Variants in FGF12 observed in about 807,000 individuals in gnomAD.
FGF12 encodes the protein fibroblast growth factor 12.
Under a neutral mutation model 23.6 loss-of-function variants are expected in FGF12, and 14 were observed. That is an observed-to-expected ratio of 0.59 (90% CI 0.39 to 0.93). The LOEUF (loss-of-function observed/expected upper bound fraction) is 0.93. Ranked by LOEUF, FGF12 falls within the 40% of genes least tolerant of loss-of-function variation. The pLI is 0.00. For missense variants in FGF12, 175 were observed against 217.8 expected (o/e 0.80, Z 1.24); for synonymous variants, 62 against 77.3 (o/e 0.80, Z 1.04).
intron 2 of FGF12, among the ~76,000 whole-genome samples, chr3:192,415,416 A>T (rs991641525): frequency 6.6e-6 from 1 of 152,136 alleles, no homozygotes; most frequent in Non-Finnish European, 1.5e-5. Flanking sequence ...TACTCAAAAA[A>T]TACTCAAATA....
At chr3:192,567,737 CTT>C (rs1158440587) in intron 2 of FGF12, among the ~76,000 whole-genome samples, 1 of 45,150 alleles carries the variant, frequency 2.2e-5, no homozygotes, top group South Asian at 7.9e-4. Context: ...CCATGTGTCT[CTT>C]TCTTTCTTTC....
chr3:192,701,457 T>C (rs1718295171), intron 2 of FGF12, among the ~76,000 whole-genome samples: 1 of 152,210 alleles, frequency 6.6e-6, no homozygotes, highest in Non-Finnish European at 1.5e-5. Flanking sequence ...ACAGTGAAAC[T>C]CTTTTCATCA....
In FGF12 at chr3:192,218,122, C is replaced by T. The variant is rs114351935; in HGVS notation, c.229-47466G>A. On this transcript the variant is annotated intron_variant, in intron 4 of 5. Transcript: ENST00000445105. ...TGCTGGGATTACAAGCGTCAGCCAC[C>T]ACGCCTGGCCCTTCTTGTCACTTTT... 3.4e-3 allele frequency among the ~76,000 whole-genome samples: 522 copies of T among 152,300 alleles called. 1 individual carries two copies. The highest frequency in any genetic ancestry group is 0.011 in the African/African-American group (476 of 41,562).
At chr3:192,690,507 A>T (rs1297379783) in intron 2 of FGF12, among the ~76,000 whole-genome samples, 1 of 151,676 alleles carries the variant, frequency 6.6e-6, no homozygotes, top group Non-Finnish European at 1.5e-5. Flanking sequence ...AATGTTTTAC[A>T]TAAGCTTCAT....
At chr3:192,190,948 T>A (rs1235027602) in intron 4 of FGF12, among the ~76,000 whole-genome samples, 1 of 152,212 alleles carries the variant, frequency 6.6e-6, no homozygotes, top group Non-Finnish European at 1.5e-5. Flanking sequence ...GAATGATGAC[T>A]TCTTCAAAAG....
intron 2 of FGF12, among the ~76,000 whole-genome samples, chr3:192,671,678 A>C (rs1328882249): frequency 6.6e-6 from 1 of 152,156 alleles, no homozygotes; most frequent in Non-Finnish European, 1.5e-5. Context: ...TAAATGGGAT[A>C]ACTCTTTATA....
intron 4 of FGF12, among the ~76,000 whole-genome samples, chr3:192,177,772 A>T (rs1291608807): frequency 6.6e-6 from 1 of 152,208 alleles, no homozygotes; most frequent in Non-Finnish European, 1.5e-5. Context: ...TAACATATTA[A>T]CATGGTTTGA....
In FGF12 at chr3:192,360,206, C is replaced by A. The variant is rs1718656121; in HGVS notation, c.124+222G>T. On this transcript the variant is annotated intron_variant, in intron 3 of 5. Coordinates refer to ENST00000445105, the MANE Select transcript of FGF12 (RefSeq NM_004113.6). The surrounding 1 kb of genome is among the most constrained non-coding windows in gnomAD (Gnocchi z 4.3). The stretch of plus-strand genomic sequence containing the variant: ...TATTCTTGCCCATTGACCAAATGGA[C>A]AAGCCTCTTACCTTCTCTTAAGTGC... Among the ~76,000 whole-genome samples, 3 of 152,128 alleles carry A rather than the reference C, an allele frequency of 2.0e-5. No homozygotes were observed. The highest frequency in any genetic ancestry group is 7.2e-5 in the African/African-American group (3 of 41,424).
intron 2 of FGF12, among the ~76,000 whole-genome samples, chr3:192,438,041 T>C (rs1165338773): frequency 6.6e-6 from 1 of 152,226 alleles, no homozygotes; most frequent in African/African-American, 2.4e-5. Flanking sequence ...CATCTGCAAA[T>C]ATACTGAGCT....
At chr3:192,592,494 T>C (rs906759273) in intron 2 of FGF12, among the ~76,000 whole-genome samples, 1 of 151,856 alleles carries the variant, frequency 6.6e-6, no homozygotes. Flanking sequence ...CTATCGTTGT[T>C]TCTTTCTTAG....
At chr3:192,512,395 A>G (rs1314864310) in intron 2 of FGF12, among the ~76,000 whole-genome samples, 1 of 152,104 alleles carries the variant, frequency 6.6e-6, no homozygotes, top group Non-Finnish European at 1.5e-5. Context: ...TGATAAAAGG[A>G]CCTAAAATAT....
intron 4 of FGF12, among the ~76,000 whole-genome samples, chr3:192,326,423 T>G (rs1033805312): frequency 1.3e-5 from 2 of 152,190 alleles, no homozygotes; most frequent in Admixed American, 1.3e-4. Flanking sequence ...CCTCTCCTTA[T>G]AGTTACCAAT....
At chr3:192,261,876 ATAG>A (rs1289924711) in intron 4 of FGF12, among the ~76,000 whole-genome samples, 11 of 152,264 alleles carry the variant, frequency 7.2e-5, no homozygotes, top group African/African-American at 2.2e-4. Flanking sequence ...GAAGAAAAAA[ATAG>A]TAGTAGTAGC....
intron 2 of FGF12, among the ~76,000 whole-genome samples, chr3:192,711,301 A>G (rs564300833): frequency 0.02 from 2,547 of 126,050 alleles, 74 homozygotes; most frequent in African/African-American, 0.085. Flanking sequence ...GGCAGCCCCC[A>G]CCCAGCCAGC....
intron 2 of FGF12, among the ~76,000 whole-genome samples, chr3:192,501,390 T>C (rs919613516): frequency 1.7e-4 from 26 of 152,240 alleles, no homozygotes; most frequent in African/African-American, 6.3e-4. Flanking sequence ...CATTTCTGTT[T>C]CTTAACCTTA....
intron 2 of FGF12, among the ~76,000 whole-genome samples, chr3:192,551,963 G>A (rs1189047264): frequency 6.6e-6 from 1 of 151,640 alleles, no homozygotes; most frequent in Non-Finnish European, 1.5e-5. Flanking sequence ...ATATATAGGT[G>A]GATATGTTAT....
chr3:192,158,459 G>C (rs1245600302), intron 5 of FGF12, among the ~76,000 whole-genome samples: 1 of 94,512 alleles, frequency 1.1e-5, no homozygotes, highest in South Asian at 3.6e-4. Flanking sequence ...CTTTTTTCTT[G>C]CTTTCTTGCT....
rs1018513551 is a variant in FGF12 at position 192,336,012 on chromosome 3, A to T, written c.125-548T>A. 5.9e-5 allele frequency among the ~76,000 whole-genome samples: 9 copies of T among 151,962 alleles called. No individual in the cohort carries two copies. The highest frequency in any genetic ancestry group is 2.2e-4 in the African/African-American group (9 of 41,446). On this transcript the variant is annotated intron_variant, in intron 3 of 5. Coordinates refer to ENST00000445105, the MANE Select transcript of FGF12 (RefSeq NM_004113.6). This position sits in a 1 kb window ranked among gnomAD's most constrained non-coding sequence, Gnocchi z 4.3. ...ACAAAACTTTTTTCTTGATATCTCAATTTTTTACATGTAAATAAACAGAGA... is the reference window on the plus strand; with the variant it reads ...ACAAAACTTTTTTCTTGATATCTCATTTTTTTACATGTAAATAAACAGAGA...
intron 2 of FGF12, among the ~76,000 whole-genome samples, chr3:192,680,542 G>A (rs891215598): frequency 2.0e-5 from 3 of 152,128 alleles, no homozygotes; most frequent in East Asian, 1.9e-4. Context: ...TGTGTTGTGA[G>A]GACTGGAGCG....
Sources: gnomAD v4.1 joint callset for allele counts (sites outside exome capture counted in the v4.1 genomes callset) on GRCh38, gnomAD v4.1.1 for gene constraint, Gnocchi (gnomAD v3.1) non-coding constraint, MANE v1.5 for transcripts, NCBI Gene and HGNC (gene_info 2026-07-23, HGNC 2026-07-21) for gene names.